Variants in SULT1A1 observed in about 807,000 individuals in gnomAD.
SULT1A1 encodes sulfotransferase family 1A member 1.
A neutral mutation model predicts 36.8 loss-of-function variants in SULT1A1; 35 were observed. The ratio of observed to expected loss-of-function variants is 0.95; its 90% CI spans 0.73 to 1.26. The LOEUF (loss-of-function observed/expected upper bound fraction) is 1.26. Ranked by LOEUF, SULT1A1 falls within the 50% of genes most tolerant of loss-of-function variation. The pLI, the probability that SULT1A1 is intolerant of heterozygous loss-of-function variation, is 0.00. For synonymous variants in SULT1A1, 119 were observed against 146.0 expected, an observed-to-expected ratio of 0.82 and a Z score of 1.33; for missense variants, 309 against 383.0, an observed-to-expected ratio of 0.81 and a Z score of 1.61.
rs200954146 is a variant in SULT1A1, at chr16:28,608,349, A to G, written c.314T>C (p.Leu105Pro). 108 of 1,612,232 alleles carry G rather than the reference A, an allele frequency of 6.7e-5. No individual in the cohort carries two copies. Among genetic ancestry groups the G allele is most frequent in the Non-Finnish European group, 3.9e-5 (46 of 1,178,684 alleles). Reference protein sequence around the residue: ...TLKDTPAPRLLKTHLPLALLP... With the variant: ...TLKDTPAPRLPKTHLPLALLP... The stretch of plus-strand genomic sequence containing the variant: ...CAGAGCCAGGGGCAGGTGTGTCTTC[A>G]GGAGTCGTGGGGCCGGTGTGTCTTT... The change falls in exon 4 of 8, where the codon CTG (leucine) becomes CCG (proline). Residue 105 changes from leucine to proline, a missense_variant. Leu to Pro is a moderately conservative substitution (Grantham distance 98). Around this residue, in one of 3 missense-constraint regions of SULT1A1, gnomAD observed 219 missense variants for 215.3 expected, o/e 1.02. Transcript: ENST00000314752.
upstream of SULT1A1, chr16:28,614,104 C>G (rs2047482781): frequency 9.9e-6 from 2 of 202,682 alleles, no homozygotes; most frequent in African/African-American, 5.5e-5. Flanking sequence ...TGAAGTCACG[C>G]CCCCTGCACC....
At chr16:28,623,369 AC>A (rs2047697131) in exon 1 of SULT1A1, 2 of 1,479,094 alleles carry the variant, frequency 1.4e-6, no homozygotes, top group African/African-American at 2.8e-5. Context: ...CGAGCGAGCT[AC>A]GGCACGCTCG....
chr16:28,619,709 G>T (rs2047610693), intron 2 of SULT1A1, among the ~76,000 whole-genome samples: 1 of 139,210 alleles, frequency 7.2e-6, no homozygotes, highest in Non-Finnish European at 1.5e-5. Flanking sequence ...GACAGAATGA[G>T]ACCCTGTCTC....
At position 28,618,832 on chromosome 16, in the gene SULT1A1, A is replaced by C. The variant is rs7193599; in HGVS notation, c.138+1231T>G. On this transcript the variant is annotated intron_variant, in intron 2 of 5. Transcript: ENST00000350842. ...TGAAAACATTGGCTCTGAATGTGGG[A>C]ATGATTCCATTAAGCCACTCACAGT... Among the ~76,000 whole-genome samples, 832 of 152,282 alleles carry C rather than the reference A, an allele frequency of 5.5e-3. 6 individuals are homozygous for C. The highest frequency in any genetic ancestry group is 0.019 in the African/African-American group (780 of 41,550).
intron 2 of SULT1A1, among the ~76,000 whole-genome samples, chr16:28,615,740 G>T (rs752022741): frequency 4.5e-4 from 69 of 152,346 alleles, no homozygotes; most frequent in South Asian, 2.1e-3. Context: ...AGGCTGAAGG[G>T]TCAGGGTAAA....
chr16:28,610,327 T>C (rs2047404916), upstream of SULT1A1: 24 of 782,438 alleles, frequency 3.1e-5, no homozygotes, highest in Non-Finnish European at 4.1e-5. Context: ...GCCCCTGAAC[T>C]CCACCCTGCC....
In SULT1A1 at chr16:28,608,459, C is replaced by A. The variant is rs766366691; in HGVS notation, c.274+19G>T. Reference sequence around the variant, plus strand: ...CTGTCTTCCTCCACTCCCCTTGCACCCAGGACACACTCACACACCTGAGGG... The same window carrying A: ...CTGTCTTCCTCCACTCCCCTTGCACACAGGACACACTCACACACCTGAGGG... On this transcript the variant is annotated intron_variant, in intron 3 of 7. Coordinates refer to ENST00000314752, the MANE Select transcript of SULT1A1 (RefSeq NM_001055.4). 7 of 1,612,348 alleles carry A rather than the reference C, an allele frequency of 4.3e-6. No homozygotes were observed. The East Asian group carries it at 1.6e-4, about 36-fold the overall frequency.
chr16:28,608,567 T>C lies in SULT1A1; in HGVS notation c.185A>G (p.Tyr62Cys). 2 of 1,612,306 alleles carry C rather than the reference T, an allele frequency of 1.2e-6. No homozygotes were observed. Among genetic ancestry groups the C allele is most frequent in the African/African-American group, 2.7e-5 (2 of 74,966 alleles). Residue 62 changes from tyrosine to cysteine, a missense_variant, in exon 3 of 8, where the codon TAC (tyrosine) becomes TGC (cysteine). By Grantham distance (194) the Tyr-to-Cys change is radical. Coordinates refer to ENST00000314752, the MANE Select transcript of SULT1A1 (RefSeq NM_001055.4). Reference protein sequence around the residue: ...TWVSQILDMIYQGGDLEKCHR... With the variant: ...TWVSQILDMICQGGDLEKCHR... ...ACACTTCTCCAGGTCACCACCCTGG[T>C]AGATCATGTCCAGAATCTGGCTTAC...
At chr16:28,606,624 G>A (rs528450666) in intron 6 of SULT1A1, 137 bp downstream of exon 6, 6 of 1,391,056 alleles carry the variant, frequency 4.3e-6, no homozygotes, top group African/African-American at 2.8e-5. Flanking sequence ...GGGGAGGCCT[G>A]GGCCAAGAAG....
chr16:28,621,092 A>G (rs561868047), intron 1 of SULT1A1, among the ~76,000 whole-genome samples: 33 of 152,136 alleles, frequency 2.2e-4, no homozygotes, highest in Non-Finnish European at 4.4e-4. Context: ...AGCCAGGATG[A>G]TAAAGCGAGA....
intron 2 of SULT1A1, among the ~76,000 whole-genome samples, chr16:28,619,600 G>T (rs973390066): frequency 6.6e-6 from 1 of 152,002 alleles, no homozygotes; most frequent in African/African-American, 2.4e-5. Context: ...CATGCCTGTA[G>T]TCTCAGCTAC....
chr16:28,618,423 G>A (rs2047588896), intron 2 of SULT1A1, among the ~76,000 whole-genome samples: 1 of 134,376 alleles, frequency 7.4e-6, no homozygotes, highest in Non-Finnish European at 1.5e-5. Context: ...TCGGCTTAGT[G>A]CAACCTCCGC....
exon 1 of SULT1A1, chr16:28,623,190 G>A (rs1309504006): frequency 2.6e-6 from 4 of 1,549,104 alleles, no homozygotes; most frequent in African/African-American, 2.8e-5. Flanking sequence ...CAGCAACTTG[G>A]CCAGCATGGC....
chr16:28,614,409 T>G (rs1275970412), upstream of SULT1A1: 5 of 131,148 alleles, frequency 3.8e-5, no homozygotes, highest in East Asian at 1.0e-3. Context: ...GGGGTCCGCC[T>G]CCTCCAGGAA....
chr16:28,622,020 GT>G (rs1436123815), intron 1 of SULT1A1, among the ~76,000 whole-genome samples: 3 of 152,134 alleles, frequency 2.0e-5, no homozygotes, highest in African/African-American at 7.2e-5. Context: ...ATGAACCCAA[GT>G]TAACTCTCCT....
chr16:28,623,118 C>CA, intron 1 of SULT1A1: 1 of 1,545,630 alleles, frequency 6.5e-7, no homozygotes, highest in African/African-American at 1.4e-5. Flanking sequence ...AGGTTCCCCC[C>CA]CCGGCCCCTC....
rs757631776 is a variant in SULT1A1 at position 28,606,870 on chromosome 16, A to C, written c.500-15T>G. ...TCCGTAGGACACTGGAGAAGCAGGC[A>C]AGGGGTGCCAACACAGGGTTGCTGT... is the stretch of plus-strand genomic sequence containing the variant. On this transcript the variant is annotated splice_polypyrimidine_tract_variant and intron_variant, in intron 5 of 7. Transcript: ENST00000314752. The C allele has an allele frequency of 1.3e-5, 21 of 1,612,358 alleles. 2 individuals are homozygous for C. Among genetic ancestry groups the C allele is most frequent in the Non-Finnish European group, 1.8e-5 (21 of 1,178,692 alleles).
chr16:28,616,943 A>G (rs1052503740), intron 2 of SULT1A1, among the ~76,000 whole-genome samples: 7 of 151,520 alleles, frequency 4.6e-5, no homozygotes, highest in African/African-American at 1.7e-4. Flanking sequence ...CACATTGTCA[A>G]CTCTACTCAG....
chr16:28,610,264 G>GTTTTTTTTTTTT (rs538720119), upstream of SULT1A1: 51 of 349,464 alleles, frequency 1.5e-4, no homozygotes, highest in Admixed American at 5.5e-4. Flanking sequence ...TTTTTTTTCT[G>GTTTTTTTTTTTT]TTTTTTTTTT....
Sources: gnomAD v4.1 joint callset for allele counts (sites outside exome capture counted in the v4.1 genomes callset) on GRCh38, gnomAD v4.1.1 for gene constraint, gnomAD v4.1.1 regional missense constraint, MANE v1.5 for transcripts, NCBI Gene and HGNC (gene_info 2026-07-23, HGNC 2026-07-21) for gene names.